RASAL2: variants seen among roughly 807,000 people sequenced by gnomAD.
The protein encoded by RASAL2 is RAS protein activator like 2.
In RASAL2, 58 loss-of-function variants were observed where a neutral mutation model predicts 128.9. The observed-to-expected ratio is 0.45, with a 90% CI of 0.36 to 0.56. RASAL2 has a LOEUF of 0.56. Among genes scored for constraint, RASAL2 ranks in the 20% least tolerant of loss-of-function variants. The pLI is 0.00. For missense variants in RASAL2, 1,360 were observed against 1,601.6 expected (o/e 0.85, Z 2.57); for synonymous variants, 561 against 580.8 (o/e 0.97, Z 0.49).
At chr1:178,456,501 G>A (rs776197600) in intron 12 of RASAL2, 4 of 625,146 alleles carry the variant, frequency 6.4e-6, no homozygotes, top group Admixed American at 2.6e-5. Flanking sequence ...TTCTTTCCTC[G>A]ATGTCTGCCG....
intron 1 of RASAL2, among the ~76,000 whole-genome samples, chr1:178,272,636 T>C (rs986785171): frequency 5.9e-5 from 9 of 152,208 alleles, no homozygotes; most frequent in African/African-American, 2.2e-4. Context: ...TCAATTAAAA[T>C]CCAACTATTT....
chr1:178,115,708 C>T (rs1050186364), intron 1 of RASAL2, among the ~76,000 whole-genome samples: 7 of 152,152 alleles, frequency 4.6e-5, no homozygotes, highest in Admixed American at 6.5e-5. Flanking sequence ...TCAAAAAGAC[C>T]ACTCTGGTTG....
rs187935642 is a variant in RASAL2, at chr1:178,168,033, A to C, written c.202+73339A>C. Among the ~76,000 whole-genome samples the C allele has an allele frequency of 2.1e-4, 32 of 152,156 alleles. No individual in the cohort carries two copies. In the East Asian group the frequency reaches 5.2e-3, roughly 25 times the overall value. The stretch of plus-strand genomic sequence containing the variant: ...AACTAACAACCAGATTTTCCTCTCA[A>C]CTTTGGAAACTGCTGAGGGTTAGCT... On this transcript the variant is annotated intron_variant, in intron 1 of 17. Transcript: ENST00000367649.
At chr1:178,440,315 G>A (rs965552121) in intron 6 of RASAL2, among the ~76,000 whole-genome samples, 1 of 151,852 alleles carries the variant, frequency 6.6e-6, no homozygotes, top group African/African-American at 2.4e-5. Flanking sequence ...AAAGATGTTT[G>A]TTTGGTTCCT....
chr1:178,347,750 A>G (rs1199379553), intron 3 of RASAL2, among the ~76,000 whole-genome samples: 6 of 152,222 alleles, frequency 3.9e-5, no homozygotes, highest in African/African-American at 1.4e-4. Flanking sequence ...CTATTTGACA[A>G]TATCTCCTAA....
chr1:178,134,043 C>G (rs1571523728), intron 1 of RASAL2, among the ~76,000 whole-genome samples: 2 of 152,290 alleles, frequency 1.3e-5, no homozygotes, highest in East Asian at 1.9e-4. Context: ...CAAACTACCC[C>G]TAAACTTAGC....
intron 1 of RASAL2, among the ~76,000 whole-genome samples, chr1:178,243,191 TGACAATTTAATTTTCA>T (rs969690502): frequency 6.6e-6 from 1 of 152,148 alleles, no homozygotes; most frequent in African/African-American, 2.4e-5. Flanking sequence ...GTGCTTCCAG[TGACAATTTAATTTTCA>T]GAGATTTTGC....
chr1:178,433,764 T>C (rs1384318311), intron 5 of RASAL2, among the ~76,000 whole-genome samples: 1 of 151,924 alleles, frequency 6.6e-6, no homozygotes, highest in Non-Finnish European at 1.5e-5. Flanking sequence ...AATACAAAAA[T>C]TAACTGGGAG....
At chr1:178,419,389 T>C (rs1047311405) in intron 4 of RASAL2, among the ~76,000 whole-genome samples, 4 of 152,168 alleles carry the variant, frequency 2.6e-5, no homozygotes, top group Non-Finnish European at 5.9e-5. Flanking sequence ...TCCTCCCACA[T>C]CATCCTCCTG....
chr1:178,141,310 G>A (rs986893986), intron 1 of RASAL2, among the ~76,000 whole-genome samples: 3 of 150,498 alleles, frequency 2.0e-5, no homozygotes, highest in African/African-American at 7.3e-5. Flanking sequence ...CGAATGCCTG[G>A]GGTTTATATC....
At chr1:178,237,759 A>T (rs986007278) in intron 1 of RASAL2, among the ~76,000 whole-genome samples, 2 of 152,204 alleles carry the variant, frequency 1.3e-5, no homozygotes, top group African/African-American at 4.8e-5. Flanking sequence ...AACCATTTTT[A>T]GGTGTACAGT....
chr1:178,212,133 A>G (rs184486761), intron 1 of RASAL2, among the ~76,000 whole-genome samples: 3 of 152,280 alleles, frequency 2.0e-5, no homozygotes, highest in Non-Finnish European at 4.4e-5. Context: ...GAAATGGTCT[A>G]CACTTTGGGA....
intron 3 of RASAL2, among the ~76,000 whole-genome samples, chr1:178,383,610 C>T (rs1374164664): frequency 6.6e-6 from 1 of 152,064 alleles, no homozygotes; most frequent in East Asian, 1.9e-4. Flanking sequence ...TCACAATTTG[C>T]CATTTGTTAT....
rs149092033 is a variant in RASAL2, at chr1:178,325,160, A to G, written c.457+25042A>G. Among the ~76,000 whole-genome samples, 126 of 152,314 alleles carry G rather than the reference A, an allele frequency of 8.3e-4. 1 individual carries two copies. Among genetic ancestry groups the G allele is most frequent in the African/African-American group, 2.9e-3 (120 of 41,566 alleles). On this transcript the variant is annotated intron_variant, in intron 3 of 17. Coordinates refer to ENST00000367649, the MANE Select transcript of RASAL2 (RefSeq NM_170692.4). Reference sequence around the variant, plus strand: ...CATTTTTTAAAAAAATTCTCCTTACAACATTCCTATTTTGTCTGTGTTTGA... The same window carrying G: ...CATTTTTTAAAAAAATTCTCCTTACGACATTCCTATTTTGTCTGTGTTTGA...
chr1:178,458,559 T>G lies in RASAL2; in HGVS notation c.3252+15T>G, dbSNP rs201526978. On this transcript the variant is annotated intron_variant, in intron 14 of 17. Transcript: ENST00000367649. ...AGACACAGCAGGTAGGTGTGAGTGC[T>G]GAAGGGGCCTGGCTTCTACTTGGTC... is the stretch of plus-strand genomic sequence containing the variant. 5 of 1,582,824 alleles carry G rather than the reference T, an allele frequency of 3.2e-6. No individual in the cohort carries two copies. The East Asian group carries it at 1.1e-4, about 35-fold the overall frequency.
chr1:178,401,111 T>C lies in RASAL2; in HGVS notation c.564+10905T>C, dbSNP rs573138273. On this transcript the variant is annotated intron_variant, in intron 4 of 17. Coordinates refer to ENST00000367649, the MANE Select transcript of RASAL2 (RefSeq NM_170692.4). ...AGACAAGAACTATATCTTATTCATC[T>C]CATAACTTCAGCACTGACCTTTTAT... Among the ~76,000 whole-genome samples the C allele has an allele frequency of 6.9e-4, 105 of 152,350 alleles. 1 individual carries two copies. In the South Asian group the frequency reaches 0.02, roughly 30 times the overall value.
Position 178,396,582 on chromosome 1 carries a change from C to A in RASAL2, c.564+6376C>A, listed in dbSNP as rs1270125450. Among the ~76,000 whole-genome samples the A allele has an allele frequency of 3.3e-5, 5 of 152,204 alleles. No homozygotes were observed. The East Asian group carries it at 9.7e-4, about 29-fold the overall frequency. On this transcript the variant is annotated intron_variant, in intron 4 of 17. Coordinates refer to ENST00000367649, the MANE Select transcript of RASAL2 (RefSeq NM_170692.4). ...TATATATATATTTTGGTCTTCTCAG[C>A]TGTACTTATACTCAGCAAGGTATGA...
intron 11 of RASAL2, 87 bp downstream of exon 11, chr1:178,452,739 CACT>C: frequency 3.8e-6 from 4 of 1,052,894 alleles, no homozygotes; most frequent in Non-Finnish European, 5.7e-6. Context: ...GGAGCCTCAT[CACT>C]CATGTTACCA....
At chr1:178,224,948 G>T (rs1244846498) in intron 1 of RASAL2, among the ~76,000 whole-genome samples, 1 of 152,072 alleles carries the variant, frequency 6.6e-6, no homozygotes, top group Non-Finnish European at 1.5e-5. Context: ...CCACAACTAT[G>T]CTCTTTAAGC....
Sources: gnomAD v4.1 joint callset for allele counts (sites outside exome capture counted in the v4.1 genomes callset) on GRCh38, gnomAD v4.1.1 for gene constraint, MANE v1.5 for transcripts, NCBI Gene and HGNC (gene_info 2026-07-23, HGNC 2026-07-21) for gene names.